Variants in LRMDA observed in about 807,000 individuals in gnomAD.
LRMDA encodes leucine rich melanocyte differentiation associated.
In LRMDA, 18 loss-of-function variants were observed where a neutral mutation model predicts 29.8. The ratio of observed to expected loss-of-function variants is 0.60; its 90% confidence interval spans 0.42 to 0.90. LRMDA has a LOEUF of 0.90. Ranked by LOEUF, LRMDA falls within the 40% of genes least tolerant of loss-of-function variation. The pLI, the probability that LRMDA is intolerant of heterozygous loss-of-function variation, is 0.00. For missense variants in LRMDA, 273 were observed against 273.9 expected (o/e 1.00, Z 0.02); for synonymous variants, 125 against 109.4 (o/e 1.14, Z -0.89).
intron 6 of LRMDA, among the ~76,000 whole-genome samples, chr10:76,519,343 A>C (rs909419553): frequency 6.6e-6 from 1 of 152,226 alleles, no homozygotes; most frequent in African/African-American, 2.4e-5. Context: ...AGTTGAATGG[A>C]ACTTTTTAGC....
intron 6 of LRMDA, chr10:76,402,258 A>G (rs1841857299): frequency 6.6e-6 from 1 of 152,290 alleles, no homozygotes; most frequent in Non-Finnish European, 1.5e-5. Context: ...CAAGAGCTAG[A>G]CACAAAAGCC....
intron 6 of LRMDA, among the ~76,000 whole-genome samples, chr10:76,387,058 A>G (rs1257432386): frequency 2.0e-5 from 3 of 152,240 alleles, no homozygotes; most frequent in Non-Finnish European, 2.9e-5. Flanking sequence ...TTAGGGCACA[A>G]TGATGCTATC....
intron 2 of LRMDA, among the ~76,000 whole-genome samples, chr10:75,715,374 ACTT>A (rs1240832619): frequency 6.6e-6 from 1 of 152,114 alleles, no homozygotes; most frequent in Non-Finnish European, 1.5e-5. Context: ...AAGATCAAAA[ACTT>A]CTGAATAAAA....
At chr10:76,432,478 C>T (rs532310423) in intron 6 of LRMDA, among the ~76,000 whole-genome samples, 8 of 152,258 alleles carry the variant, frequency 5.3e-5, no homozygotes, top group South Asian at 2.1e-4. Flanking sequence ...CTGAGCTATG[C>T]GGAATTCTAG....
chr10:76,157,911 G>A (rs916841335), intron 5 of LRMDA, among the ~76,000 whole-genome samples: 1 of 152,074 alleles, frequency 6.6e-6, no homozygotes, highest in Non-Finnish European at 1.5e-5. Context: ...CTGCAAACCT[G>A]TACAGCATGT....
At chr10:76,356,505 C>T (rs192344998) in intron 6 of LRMDA, among the ~76,000 whole-genome samples, 82 of 152,150 alleles carry the variant, frequency 5.4e-4, no homozygotes, top group African/African-American at 1.6e-3. Flanking sequence ...TTGAGAAAAC[C>T]GTATTTTTTT....
intron 2 of LRMDA, among the ~76,000 whole-genome samples, chr10:75,520,086 A>G (rs1845338765): frequency 6.6e-6 from 1 of 152,138 alleles, no homozygotes; most frequent in South Asian, 2.1e-4. Flanking sequence ...GGGTAACCCG[A>G]CCTTTCTCTC....
intron 6 of LRMDA, among the ~76,000 whole-genome samples, chr10:76,552,779 CA>C (rs950111372): frequency 6.6e-6 from 1 of 152,070 alleles, no homozygotes; most frequent in Non-Finnish European, 1.5e-5. Context: ...AGTGTGAGGC[CA>C]TCCAGGAATC....
chr10:75,780,784 G>A (rs1843372429), intron 2 of LRMDA, among the ~76,000 whole-genome samples: 1 of 152,138 alleles, frequency 6.6e-6, no homozygotes, highest in Non-Finnish European at 1.5e-5. Context: ...CTGGGAGTGT[G>A]TCAGGATAGT....
chr10:75,914,646 G>A (rs1196063940), intron 2 of LRMDA, among the ~76,000 whole-genome samples: 1 of 152,174 alleles, frequency 6.6e-6, no homozygotes, highest in East Asian at 1.9e-4. Context: ...TCATGGTCAA[G>A]ATATCACCTA....
At chr10:76,535,849 C>T (rs1843285193) in intron 6 of LRMDA, 1 of 152,206 alleles carries the variant, frequency 6.6e-6, no homozygotes, top group South Asian at 2.1e-4. Flanking sequence ...GCGTTCTCGG[C>T]TCACTGCAAC....
chr10:76,122,524 T>A (rs979322411), intron 5 of LRMDA, among the ~76,000 whole-genome samples: 3 of 152,088 alleles, frequency 2.0e-5, no homozygotes, highest in African/African-American at 7.2e-5. Context: ...GAGATGATAA[T>A]TGTCTCTAGT....
intron 5 of LRMDA, among the ~76,000 whole-genome samples, chr10:76,320,154 T>C (rs996711285): frequency 6.6e-6 from 1 of 152,252 alleles, no homozygotes; most frequent in Non-Finnish European, 1.5e-5. Flanking sequence ...GTATGTGCAT[T>C]GAATCTTTTC....
At chr10:75,663,488 G>A (rs1841781247) in intron 2 of LRMDA, among the ~76,000 whole-genome samples, 2 of 152,166 alleles carry the variant, frequency 1.3e-5, no homozygotes, top group Non-Finnish European at 2.9e-5. Context: ...AAGGCCTCGA[G>A]TGTGTTCTTA....
intron 2 of LRMDA, among the ~76,000 whole-genome samples, chr10:75,483,795 A>G (rs752976948): frequency 3.6e-5 from 5 of 138,404 alleles, no homozygotes; most frequent in Non-Finnish European, 3.2e-5. Context: ...GAAAAAAATC[A>G]TTTTGCTTCT....
chr10:76,157,940 AG>A (rs1850569979), intron 5 of LRMDA, among the ~76,000 whole-genome samples: 1 of 152,006 alleles, frequency 6.6e-6, no homozygotes, highest in Non-Finnish European at 1.5e-5. Context: ...AGAATACTGT[AG>A]GCAGTTGTAA....
At chr10:75,759,072 AC>A (rs1232531295) in intron 2 of LRMDA, among the ~76,000 whole-genome samples, 1 of 152,156 alleles carries the variant, frequency 6.6e-6, no homozygotes, top group East Asian at 1.9e-4. Context: ...GAAAGCACTA[AC>A]CTTTCTCTCT....
intron 2 of LRMDA, among the ~76,000 whole-genome samples, chr10:75,846,098 A>G (rs1377639768): frequency 6.6e-6 from 1 of 151,984 alleles, no homozygotes; most frequent in Non-Finnish European, 1.5e-5. Flanking sequence ...TGAAAATGCT[A>G]GGTACCTCCT....
intron 2 of LRMDA, among the ~76,000 whole-genome samples, chr10:75,562,344 G>A (rs1045531470): frequency 1.3e-5 from 2 of 151,990 alleles, no homozygotes; most frequent in Non-Finnish European, 2.9e-5. Context: ...TCAGAGACTA[G>A]GACTGCAACC....
Sources: allele counts gnomAD v4.1 joint callset (sites outside exome capture counted in the v4.1 genomes callset), GRCh38; gene constraint gnomAD v4.1.1; transcripts MANE v1.5; gene names NCBI Gene and HGNC (gene_info 2026-07-23, HGNC 2026-07-21).